Variants in ADCK2 observed in about 807,000 individuals in gnomAD.
The protein encoded by ADCK2 is uncharacterized aarF domain-containing protein kinase 2.
Under a neutral mutation model 52.3 loss-of-function variants are expected in ADCK2, and 37 were observed. That is an observed-to-expected ratio of 0.71 (90% CI 0.54 to 0.93). ADCK2 has a LOEUF of 0.93. Ranked by LOEUF, ADCK2 falls within the 40% of genes least tolerant of loss-of-function variation. The probability of loss-of-function intolerance (pLI) is 0.00; values close to 1 mark genes in which losing one functional copy is unlikely to be tolerated. For missense variants in ADCK2, 695 were observed against 798.7 expected (o/e 0.87, Z 1.56); for synonymous variants, 321 against 349.2 (o/e 0.92, Z 0.90).
Position 140,678,225 on chromosome 7 carries a change from G to T in ADCK2, c.1081-930G>T, listed in dbSNP as rs1306967277. On this transcript the variant is annotated intron_variant, in intron 2 of 7. Coordinates refer to ENST00000072869, the MANE Select transcript of ADCK2 (RefSeq NM_052853.4). This position sits in a 1 kb window ranked among gnomAD's most constrained non-coding sequence, Gnocchi z 4.9. ...GCAAACTTGATGGCATTGGGCCATTGCTGTGCACGGAGGGGAAGAGAGAAG... is the reference window on the plus strand; with the variant it reads ...GCAAACTTGATGGCATTGGGCCATTTCTGTGCACGGAGGGGAAGAGAGAAG... 2.0e-5 allele frequency among the ~76,000 whole-genome samples: 3 copies of T among 152,192 alleles called. No individual in the cohort carries two copies. The highest frequency in any genetic ancestry group is 7.2e-5 in the African/African-American group (3 of 41,440).
chr7:140,681,376 G>C (rs1256535360), intron 4 of ADCK2, among the ~76,000 whole-genome samples: 2 of 151,632 alleles, frequency 1.3e-5, no homozygotes, highest in Non-Finnish European at 2.9e-5. Flanking sequence ...GGAGTGCGGT[G>C]GCGTGATCTC....
chr7:140,673,231 T>A lies in ADCK2; in HGVS notation c.-100T>A, dbSNP rs1801660639. The stretch of plus-strand genomic sequence containing the variant: ...GATCCGGCCCAGATGGGCAGCTCCG[T>A]CCGCGGGGTCAGGGCCGGGCTTCGG... On this transcript the variant is annotated 5_prime_UTR_variant, in exon 1 of 8. Transcript: ENST00000072869. The surrounding 1 kb of genome is among the most constrained non-coding windows in gnomAD (Gnocchi z 6.4). The A allele has an allele frequency of 9.2e-7, 1 of 1,084,846 alleles. No individual in the cohort carries two copies. Among genetic ancestry groups the A allele is most frequent in the Non-Finnish European group, 1.2e-6 (1 of 816,206 alleles). 67.2% of individuals were successfully genotyped at this position (1,084,846 alleles called of 1,614,324 possible). A position where few individuals can be genotyped will look rare whatever the true frequency, so the allele number is the denominator to read the frequency against.
At chr7:140,686,924 T>A in intron 4 of ADCK2, 66 bp from the exon 5 acceptor site, 5 of 1,577,854 alleles carry the variant, frequency 3.2e-6, no homozygotes, top group Non-Finnish European at 3.5e-6. Flanking sequence ...CTGGCAACTT[T>A]CTTTCTCTGT....
chr7:140,679,360 C>T (rs11770107), intron 3 of ADCK2, 77 bp downstream of exon 3: 1 of 1,576,056 alleles, frequency 6.3e-7, no homozygotes, highest in Non-Finnish European at 8.7e-7. Flanking sequence ...CACAGAAAGG[C>T]TTCAGTCTGG....
chr7:140,690,031 A>G (rs1433087123), intron 6 of ADCK2, among the ~76,000 whole-genome samples: 4 of 152,056 alleles, frequency 2.6e-5, no homozygotes, highest in African/African-American at 7.2e-5. Flanking sequence ...TGATGTGCCC[A>G]ATGCGCATGT....
intron 7 of ADCK2, among the ~76,000 whole-genome samples, 178 bp downstream of exon 7, chr7:140,690,991 T>G (rs112232667): frequency 3.3e-5 from 5 of 152,148 alleles, no homozygotes; most frequent in African/African-American, 1.2e-4. Context: ...AGTGGCGCGA[T>G]CTCGGCTGAC....
At chr7:140,681,594 A>G (rs1052825509) in intron 4 of ADCK2, among the ~76,000 whole-genome samples, 1 of 152,002 alleles carries the variant, frequency 6.6e-6, no homozygotes, top group Non-Finnish European at 1.5e-5. Context: ...TGCTGGGATT[A>G]CAGGTGTGAA....
In ADCK2 at chr7:140,687,124, G is replaced by A; in HGVS notation, c.1440G>A (p.Val480=). The change falls in exon 5 of 8, where the codon GTG becomes GTA. Residue 480 remains valine (V), a synonymous_variant. Coordinates refer to ENST00000072869, the MANE Select transcript of ADCK2 (RefSeq NM_052853.4). ...ADICDTLVVA[V]PSSLCPLRLV... ...TCTGTGACACTCTGGTGGTGGCCGT[G>A]CCATCTTCCCTCTGCCCGCTGCGAC... The A allele has an allele frequency of 2.5e-6, 4 of 1,613,752 alleles. No homozygotes were observed. Among genetic ancestry groups the A allele is most frequent in the Non-Finnish European group, 3.4e-6 (4 of 1,179,970 alleles).
At chr7:140,689,465 C>G in intron 5 of ADCK2, 132 bp from the exon 6 acceptor site, 1 of 1,137,244 alleles carries the variant, frequency 8.8e-7, no homozygotes, top group East Asian at 2.6e-5. Context: ...GGTCACAGCC[C>G]GAGGAGGAAG....
intron 5 of ADCK2, among the ~76,000 whole-genome samples, chr7:140,687,709 A>G (rs1166267816): frequency 1.3e-5 from 2 of 149,432 alleles, no homozygotes; most frequent in Non-Finnish European, 3.0e-5. Flanking sequence ...GTGAGACTCC[A>G]TTTCAAAAAA....
intron 5 of ADCK2, among the ~76,000 whole-genome samples, chr7:140,688,648 G>T (rs1794650591): frequency 6.6e-6 from 1 of 152,222 alleles, no homozygotes; most frequent in African/African-American, 2.4e-5. Flanking sequence ...GGCTGCCCCT[G>T]GTGTGTGCTA....
intron 4 of ADCK2, among the ~76,000 whole-genome samples, chr7:140,686,321 C>T (rs1401461433): frequency 6.6e-6 from 1 of 152,180 alleles, no homozygotes; most frequent in Non-Finnish European, 1.5e-5. Flanking sequence ...CGCTCCGTCG[C>T]CCAGACTGGA....
chr7:140,680,786 C>T (rs181069897), intron 3 of ADCK2, among the ~76,000 whole-genome samples: 84 of 151,928 alleles, frequency 5.5e-4, no homozygotes, highest in Middle Eastern at 3.4e-3. Flanking sequence ...CTTGACTTTC[C>T]GAGTTGAGGT....
chr7:140,684,272 G>T (rs891770321), intron 4 of ADCK2, among the ~76,000 whole-genome samples: 1 of 152,148 alleles, frequency 6.6e-6, no homozygotes, highest in Non-Finnish European at 1.5e-5. Flanking sequence ...TCTTTCAAAA[G>T]AGGATAAGAA....
rs775711388 is a variant in ADCK2, at chr7:140,689,740, T to C, written c.1686+15T>C. ...CCCTGGAGAAGGTGGGCAGGTCACT[T>C]GCGGAACAGGGGCTGGGGAGTCCAT... On this transcript the variant is annotated intron_variant, in intron 6 of 7. Transcript: ENST00000072869. The C allele has an allele frequency of 6.2e-7, 1 of 1,605,994 alleles. No homozygotes were observed. The highest frequency in any genetic ancestry group is 8.5e-7 in the Non-Finnish European group (1 of 1,175,422).
rs1210110828 is a variant in ADCK2 at position 140,673,565 on chromosome 7, G to C, written c.235G>C (p.Gly79Arg). 2 of 1,601,598 alleles carry C rather than the reference G, an allele frequency of 1.2e-6. No individual in the cohort carries two copies. Among genetic ancestry groups the C allele is most frequent in the Admixed American group, 3.4e-5 (2 of 59,490 alleles). Residue 79 changes from glycine (G) to arginine (R), a missense_variant, in exon 1 of 8, where the codon GGG becomes CGG. By Grantham distance (125) the Gly-to-Arg change is moderately radical (BLOSUM62 -2). Transcript: ENST00000072869. This position sits in a 1 kb window ranked among gnomAD's most constrained non-coding sequence, Gnocchi z 6.4. ...CCGCTGCAGCGGGGCGGCTGGCGCG[G>C]GGCCCGCGGAGAGCCTCCCCCGAGC... ...RVRCSGAAGA[G>R]PAESLPRAGP...
Position 140,674,071 on chromosome 7 carries a change from CG to C in ADCK2, c.743del (p.Gly248ValfsTer3). 1.9e-6 allele frequency: 3 copies of C among 1,614,092 alleles called. No individual in the cohort carries two copies. The highest frequency in any genetic ancestry group is 2.5e-6 in the Non-Finnish European group (3 of 1,180,040). On this transcript the variant is annotated frameshift_variant, in exon 1 of 8. Coordinates refer to ENST00000072869, the MANE Select transcript of ADCK2 (RefSeq NM_052853.4). LOFTEE classifies it high-confidence loss of function. The surrounding 1 kb of genome is among the most constrained non-coding windows in gnomAD (Gnocchi z 4.6). Reference sequence around the variant, plus strand: ...CGCCCTTCTCACATACTGGGGCAGTCGGTGGGCTGAGAGAGCTCTTTGGATA... The same window carrying C: ...CGCCCTTCTCACATACTGGGGCAGTCGTGGGCTGAGAGAGCTCTTTGGATA... ...LPPFSHTGAV[G>X]GLRELFGYLG... is the part of the protein sequence containing the mutation.
intron 5 of ADCK2, among the ~76,000 whole-genome samples, chr7:140,687,875 T>A (rs1437400577): frequency 1.9e-5 from 2 of 106,370 alleles, no homozygotes; most frequent in African/African-American, 7.1e-5. Flanking sequence ...GAGATCTTAG[T>A]TTTTTTTTTT....
rs1801655739 is a variant in ADCK2 at position 140,673,029 on chromosome 7, T to C, written c.-302T>C. ...CCCTGCCTCCGCCCGCGCGGCCCCC[T>C]CGCTCAGGTCGCGGGCGCCCGGGGC... is the stretch of plus-strand genomic sequence containing the variant. On this transcript the variant is annotated 5_prime_UTR_variant, in exon 1 of 8. Coordinates refer to ENST00000072869, the MANE Select transcript of ADCK2 (RefSeq NM_052853.4). The surrounding 1 kb of genome is among the most constrained non-coding windows in gnomAD (Gnocchi z 6.4). 5.7e-6 allele frequency: 1 copy of C among 176,880 alleles called. No individual in the cohort carries two copies. Among genetic ancestry groups the C allele is most frequent in the South Asian group, 2.0e-4 (1 of 5,020 alleles). The allele number at this position is 176,880 out of a possible 1,614,324, so 11.0% of individuals were successfully genotyped here.
Sources: allele counts gnomAD v4.1 joint callset (sites outside exome capture counted in the v4.1 genomes callset), GRCh38; gene constraint gnomAD v4.1.1; non-coding constraint Gnocchi (gnomAD v3.1); transcripts MANE v1.5; gene names NCBI Gene and HGNC (gene_info 2026-07-23, HGNC 2026-07-21).